Variants in HOXA3 observed in about 807,000 individuals in gnomAD.
HOXA3 encodes the protein homeobox protein Hox-A3.
A neutral mutation model predicts 30.3 loss-of-function variants in HOXA3; 8 were observed. That is an observed-to-expected ratio of 0.26 (90% CI 0.15 to 0.48). The LOEUF is 0.48. HOXA3 is among the 20% of genes least tolerant of loss of function. HOXA3 has a pLI of 0.99. For missense variants in HOXA3, 653 were observed against 614.4 expected, an observed-to-expected ratio of 1.06 and a Z score of -0.66; for synonymous variants, 323 against 273.1, an observed-to-expected ratio of 1.18 and a Z score of -1.80.
chr7:27,117,070 C>A (rs958997866), intron 4 of HOXA3, among the ~76,000 whole-genome samples: 1 of 152,200 alleles, frequency 6.6e-6, no homozygotes, highest in African/African-American at 2.4e-5. Flanking sequence ...TTTCCTGCAC[C>A]TTTCCAGGGA....
chr7:27,110,766 G>T lies in HOXA3; in HGVS notation c.-120-6C>A. 1 of 1,467,952 alleles carries T rather than the reference G, an allele frequency of 6.8e-7. No homozygotes were observed. Among genetic ancestry groups the T allele is most frequent in the Admixed American group, 1.8e-5 (1 of 55,280 alleles). 90.9% of individuals were successfully genotyped at this position (1,467,952 alleles called of 1,614,324 possible). On this transcript the variant is annotated splice_polypyrimidine_tract_variant and splice_region_variant and intron_variant, in intron 4 of 5. Coordinates refer to ENST00000612286, the MANE Select transcript of HOXA3 (RefSeq NM_153631.3). ...AATGGCCGCCCCGCGCAGACCTGGTGGGGCGAGAAGCGCAGCGCGGTGAGG... is the reference window on the plus strand; with the variant it reads ...AATGGCCGCCCCGCGCAGACCTGGTTGGGCGAGAAGCGCAGCGCGGTGAGG...
intron 1 of HOXA3, chr7:27,147,220 A>G (rs747611568): frequency 1.6e-6 from 2 of 1,261,208 alleles, no homozygotes; most frequent in Admixed American, 2.2e-5. Flanking sequence ...CTTTCTCTCT[A>G]TTCCTCTTTC....
intron 1 of HOXA3, 198 bp from the exon 2 acceptor site, chr7:27,140,384 C>G (rs978461091): frequency 2.6e-5 from 4 of 152,112 alleles, no homozygotes; most frequent in Admixed American, 6.6e-5. Context: ...TCATTTGGCA[C>G]CCAAATGTCA....
chr7:27,130,311 C>T lies in HOXA3; in HGVS notation c.-389-3241G>A, dbSNP rs1293595412. 6.4e-6 allele frequency: 7 copies of T among 1,086,568 alleles called. No homozygotes were observed. In the African/African-American group the frequency reaches 6.8e-5, roughly 11 times the overall value. The allele number at this position is 1,086,568 out of a possible 1,614,324, so 67.3% of individuals were successfully genotyped here. A position where few individuals can be genotyped will look rare whatever the true frequency, so the allele number is the denominator to read the frequency against. Reference sequence around the variant, plus strand: ...GCACGGCGCGAGGCTGCAGGGGCGGCGGCAGCTGGGGCTGCAGGACGTGGC... The same window carrying T: ...GCACGGCGCGAGGCTGCAGGGGCGGTGGCAGCTGGGGCTGCAGGACGTGGC... On this transcript the variant is annotated intron_variant, in intron 2 of 5. Coordinates refer to ENST00000612286, the MANE Select transcript of HOXA3 (RefSeq NM_153631.3).
At chr7:27,133,235 C>A (rs1785615507) in intron 2 of HOXA3, among the ~76,000 whole-genome samples, 1 of 152,196 alleles carries the variant, frequency 6.6e-6, no homozygotes, top group Non-Finnish European at 1.5e-5. Flanking sequence ...CTTTTCTGAA[C>A]CTTCCTCAAT....
intron 2 of HOXA3, among the ~76,000 whole-genome samples, chr7:27,137,452 C>T (rs1562725808): frequency 6.6e-6 from 1 of 152,210 alleles, no homozygotes; most frequent in Non-Finnish European, 1.5e-5. Context: ...CTGCCACCGG[C>T]TGAGGCTGGA....
intron 2 of HOXA3, chr7:27,129,558 A>G (rs746365374): frequency 6.2e-7 from 1 of 1,613,290 alleles, no homozygotes; most frequent in Non-Finnish European, 8.5e-7. Flanking sequence ...CCCCTCCGTT[A>G]TAACTGGGGT....
intron 2 of HOXA3, among the ~76,000 whole-genome samples, chr7:27,138,805 C>T (rs1235762321): frequency 6.6e-6 from 1 of 152,186 alleles, no homozygotes; most frequent in Non-Finnish European, 1.5e-5. Context: ...TGGGATCAAA[C>T]AGAAAGAGCA....
At chr7:27,123,185 C>G (rs903199245) in intron 3 of HOXA3, 1 of 152,310 alleles carries the variant, frequency 6.6e-6, no homozygotes, top group Non-Finnish European at 1.5e-5. Context: ...TGGCCAGAGG[C>G]AGTCTTGGGA....
chr7:27,143,443 G>A (rs370086397), intron 1 of HOXA3: 4 of 1,613,482 alleles, frequency 2.5e-6, no homozygotes, highest in East Asian at 4.5e-5. Flanking sequence ...AGCGGCCGAC[G>A]CTGAGATCCA....
chr7:27,141,383 A>G (rs1782563436), intron 1 of HOXA3: 1 of 163,012 alleles, frequency 6.1e-6, no homozygotes, highest in South Asian at 1.7e-4. Flanking sequence ...TTACACAAGG[A>G]ATATAGGTAG....
chr7:27,120,800 C>T (rs1380000120), intron 4 of HOXA3: 3 of 152,242 alleles, frequency 2.0e-5, no homozygotes, highest in Admixed American at 2.0e-4. Flanking sequence ...TAAAAAACAG[C>T]TTCTCTATGA....
chr7:27,152,062 G>A (rs1261144170), intron 1 of HOXA3, among the ~76,000 whole-genome samples: 1 of 151,596 alleles, frequency 6.6e-6, no homozygotes, highest in Non-Finnish European at 1.5e-5. Flanking sequence ...GCCAGGGAGG[G>A]GAGAGAAAGG....
At chr7:27,131,715 C>T (rs187393466) in intron 2 of HOXA3, among the ~76,000 whole-genome samples, 1 of 152,172 alleles carries the variant, frequency 6.6e-6, no homozygotes, top group Admixed American at 6.5e-5. Context: ...ACAATAACTT[C>T]CTATTTCAGA....
At chr7:27,122,448 C>G (rs1001936175) in intron 4 of HOXA3, 111 bp downstream of exon 4, 2 of 152,248 alleles carry the variant, frequency 1.3e-5, no homozygotes, top group Non-Finnish European at 2.9e-5. Context: ...TAAATATTGA[C>G]CAGAACCTCT....
intron 1 of HOXA3, 167 bp from the exon 2 acceptor site, chr7:27,140,353 A>C (rs566036933): frequency 6.6e-6 from 1 of 152,302 alleles, no homozygotes; most frequent in African/African-American, 2.4e-5. Flanking sequence ...TTTACGATCT[A>C]ATTCATAGAC....
In HOXA3 at chr7:27,152,280, T is replaced by C. The variant is rs1434190040; in HGVS notation, c.-494+8A>G. 1 of 1,279,696 alleles carries C rather than the reference T, an allele frequency of 7.8e-7. No individual in the cohort carries two copies. The highest frequency in any genetic ancestry group is 1.0e-6 in the Non-Finnish European group (1 of 983,618). The allele number at this position is 1,279,696 out of a possible 1,614,324, so 79.3% of individuals were successfully genotyped here. On this transcript the variant is annotated splice_region_variant and intron_variant, in intron 1 of 5. Transcript: ENST00000612286. ...CCTTTGCTCCTATCTCCTCCCCACA[T>C]GTCTCACCTTCAGACGGTGGCTCCC...
chr7:27,129,497 C>G lies in HOXA3; in HGVS notation c.-389-2427G>C. The stretch of plus-strand genomic sequence containing the variant: ...TATCGATTGAAGTGGAACTCCTTCT[C>G]CAGCTCCAAGACCTGCTGCCGGGTG... On this transcript the variant is annotated intron_variant, in intron 2 of 5. Coordinates refer to ENST00000612286, the MANE Select transcript of HOXA3 (RefSeq NM_153631.3). 5 of 1,614,124 alleles carry G rather than the reference C, an allele frequency of 3.1e-6. No homozygotes were observed. In the African/African-American group the frequency reaches 5.3e-5, roughly 17 times the overall value.
intron 4 of HOXA3, chr7:27,116,556 G>C (rs926471506): frequency 6.6e-5 from 10 of 152,168 alleles, no homozygotes; most frequent in African/African-American, 2.2e-4. Context: ...TATAAATGTG[G>C]CTCTTGGCTT....
Sources: allele counts gnomAD v4.1 joint callset (sites outside exome capture counted in the v4.1 genomes callset), GRCh38; gene constraint gnomAD v4.1.1; transcripts MANE v1.5; gene names NCBI Gene and HGNC (gene_info 2026-07-23, HGNC 2026-07-21).